The following PPP1R42 variants were observed in gnomAD, a reference collection of about 807,000 sequenced individuals.
The protein encoded by PPP1R42 is leucine rich repeat containing 67.
Under a neutral mutation model 31.0 loss-of-function variants are expected in PPP1R42, and 34 were observed. That is an observed-to-expected ratio of 1.10 (90% CI 0.83 to 1.46). The LOEUF (loss-of-function observed/expected upper bound fraction) is 1.46, where lower values mean the gene tolerates loss of function less well. PPP1R42 is among the 40% of genes most tolerant of loss of function. The pLI is 0.00. For synonymous variants in PPP1R42, 103 were observed against 109.8 expected, an observed-to-expected ratio of 0.94 and a Z score of 0.39; for missense variants, 268 against 303.0, an observed-to-expected ratio of 0.88 and a Z score of 0.86.
chr8:66,981,561 A>G (rs1033725093), intron 7 of PPP1R42, among the ~76,000 whole-genome samples: 2 of 150,824 alleles, frequency 1.3e-5, no homozygotes, highest in Non-Finnish European at 3.0e-5. Flanking sequence ...TTGTATTTTT[A>G]GTAGAGACAG....
At chr8:66,972,607 C>A (rs148291533) in intron 7 of PPP1R42, among the ~76,000 whole-genome samples, 1 of 152,100 alleles carries the variant, frequency 6.6e-6, no homozygotes, top group African/African-American at 2.4e-5. Flanking sequence ...CCAGGCTGGT[C>A]GTGAACTCCT....
Position 66,984,444 on chromosome 8 carries a change from G to A in PPP1R42, c.671-2264C>T, listed in dbSNP as rs1814941430. 8 of 1,285,728 alleles carry A rather than the reference G, an allele frequency of 6.2e-6. No homozygotes were observed. The East Asian group carries it at 7.0e-5, about 11-fold the overall frequency. 79.6% of individuals were successfully genotyped at this position (1,285,728 alleles called of 1,614,324 possible). Reference sequence around the variant, plus strand: ...TGGGGCCCCCTTCCACTACTACCACGTTGACACCCTTGTGCAGTAACACCA... The same window carrying A: ...TGGGGCCCCCTTCCACTACTACCACATTGACACCCTTGTGCAGTAACACCA... On this transcript the variant is annotated intron_variant, in intron 6 of 7. Transcript: ENST00000685739.
At chr8:67,007,318 C>T (rs1363719661) in intron 5 of PPP1R42, among the ~76,000 whole-genome samples, 1 of 152,180 alleles carries the variant, frequency 6.6e-6, no homozygotes, top group African/African-American at 2.4e-5. Context: ...CCTCAGTCAC[C>T]TGTGGTCCAA....
intron 1 of PPP1R42, among the ~76,000 whole-genome samples, chr8:67,024,667 C>T (rs905446906): frequency 4.0e-5 from 6 of 151,566 alleles, no homozygotes; most frequent in East Asian, 3.9e-4. Flanking sequence ...TTAGTAGAGA[C>T]GGGGTTTCAC....
chr8:67,007,259 G>T (rs1023078379), intron 5 of PPP1R42, among the ~76,000 whole-genome samples: 1 of 152,146 alleles, frequency 6.6e-6, no homozygotes, highest in Non-Finnish European at 1.5e-5. Context: ...ACAGTGCCTG[G>T]CACATGTAAT....
intron 2 of PPP1R42, among the ~76,000 whole-genome samples, chr8:67,016,158 T>C: frequency 6.6e-6 from 1 of 152,192 alleles, no homozygotes; most frequent in Non-Finnish European, 1.5e-5. Context: ...GAAAGGGATC[T>C]AGAATGGGAG....
intron 5 of PPP1R42, among the ~76,000 whole-genome samples, chr8:67,002,210 A>AT (rs35498799): frequency 6.4e-4 from 98 of 152,122 alleles, no homozygotes; most frequent in African/African-American, 2.1e-3. Context: ...GTCTATATAT[A>AT]TTTTTTTACA....
chr8:66,997,542 C>CT (rs34949630), intron 5 of PPP1R42, among the ~76,000 whole-genome samples: 4,390 of 127,556 alleles, frequency 0.034, 97 homozygotes, highest in Middle Eastern at 0.1. Context: ...CTGTGCCTGG[C>CT]TTTTTTTTTT....
At chr8:66,984,572 G>A in intron 6 of PPP1R42, 2 of 1,213,844 alleles carry the variant, frequency 1.6e-6, no homozygotes, top group Admixed American at 1.7e-5. Context: ...CTTGGCTGGG[G>A]TGCTCAAATT....
Position 66,983,074 on chromosome 8 carries a change from T to C in PPP1R42, c.671-894A>G, listed in dbSNP as rs1257031915. ...TACAGAGGTGTGATAGAAATTGCGC[T>C]TCATAAATTATACAAATAATTTTTG... On this transcript the variant is annotated intron_variant, in intron 6 of 7. Coordinates refer to ENST00000685739, the MANE Select transcript of PPP1R42 (RefSeq NM_001364910.1). Among the ~76,000 whole-genome samples, 3 of 152,096 alleles carry C rather than the reference T, an allele frequency of 2.0e-5. No homozygotes were observed. In the East Asian group the frequency reaches 5.8e-4, roughly 29 times the overall value.
intron 5 of PPP1R42, among the ~76,000 whole-genome samples, chr8:67,007,329 A>G (rs988595486): frequency 2.6e-5 from 4 of 152,174 alleles, no homozygotes; most frequent in African/African-American, 7.2e-5. Flanking sequence ...TGTGGTCCAA[A>G]AATATTTAAT....
chr8:67,014,479 G>A lies in PPP1R42; in HGVS notation c.243C>T (p.Asn81=). 5 of 1,591,508 alleles carry A rather than the reference G, an allele frequency of 3.1e-6. No homozygotes were observed. Among genetic ancestry groups the A allele is most frequent in the Non-Finnish European group, 4.3e-6 (5 of 1,168,342 alleles). ...GGTTCTCTATACATGAAATACAATT[G>A]TTTTGTAGGTACAAGTGGGTCAGAT... The part of the protein sequence containing the change: ...ATNLTHLYLQ[N]NCISCIENLR... Residue 81 remains asparagine, a synonymous_variant, in exon 3 of 8, where the codon AAC becomes AAT. Coordinates refer to ENST00000685739, the MANE Select transcript of PPP1R42 (RefSeq NM_001364910.1).
At chr8:67,025,387 C>T (rs1226038790) in intron 1 of PPP1R42, among the ~76,000 whole-genome samples, 2 of 152,068 alleles carry the variant, frequency 1.3e-5, no homozygotes, top group Non-Finnish European at 2.9e-5. Flanking sequence ...GCTGGGATTA[C>T]AGGTGTGAGC....
chr8:66,985,127 A>C, intron 6 of PPP1R42: 1 of 1,184,078 alleles, frequency 8.4e-7, no homozygotes. Context: ...AGCCTAGTCA[A>C]AGTATGGATG....
intron 7 of PPP1R42, among the ~76,000 whole-genome samples, chr8:66,975,513 G>A (rs567218295): frequency 1.3e-5 from 2 of 152,154 alleles, no homozygotes; most frequent in South Asian, 4.2e-4. Context: ...AGGTGTGGTG[G>A]CACACGCCTG....
At chr8:66,985,825 C>A in intron 6 of PPP1R42, 2 of 1,235,622 alleles carry the variant, frequency 1.6e-6, no homozygotes, top group Non-Finnish European at 2.3e-6. Flanking sequence ...AGTCAGCATG[C>A]CAGGACTCTG....
intron 7 of PPP1R42, among the ~76,000 whole-genome samples, chr8:66,969,381 T>G (rs1050159602): frequency 2.0e-5 from 3 of 152,228 alleles, no homozygotes; most frequent in Non-Finnish European, 4.4e-5. Flanking sequence ...GAAATTATTG[T>G]GGTGCTATGG....
At position 66,982,049 on chromosome 8, in the gene PPP1R42, T is replaced by G. The variant is rs1291840381; in HGVS notation, c.802A>C (p.Arg268=). The change falls in exon 7 of 8, where the codon AGA becomes CGA. Residue 268 remains arginine, a splice_region_variant and synonymous_variant. Coordinates refer to ENST00000685739, the MANE Select transcript of PPP1R42 (RefSeq NM_001364910.1). ...KNEDASNSLI[R]ISL is the part of the protein sequence containing the mutation. ...ACCTAATGAGTGACAGAGTGCTTAC[T>G]TATGAGTGAATTGCTTGCATCCTCA... The G allele has an allele frequency of 6.3e-6, 9 of 1,438,864 alleles. No individual in the cohort carries two copies. Among genetic ancestry groups the G allele is most frequent in the Non-Finnish European group, 8.1e-6 (9 of 1,105,614 alleles). The allele number at this position is 1,438,864 out of a possible 1,614,324, so 89.1% of individuals were successfully genotyped here. A position where few individuals can be genotyped will look rare whatever the true frequency, so the allele number is the denominator to read the frequency against.
At chr8:66,979,028 C>G (rs747060092) in intron 7 of PPP1R42, among the ~76,000 whole-genome samples, 4 of 152,082 alleles carry the variant, frequency 2.6e-5, no homozygotes, top group Non-Finnish European at 4.4e-5. Context: ...CTTGATTGTT[C>G]CCTTTGCTGT....
Sources: allele counts gnomAD v4.1 joint callset (sites outside exome capture counted in the v4.1 genomes callset), GRCh38; gene constraint gnomAD v4.1.1; transcripts MANE v1.5; gene names NCBI Gene and HGNC (gene_info 2026-07-23, HGNC 2026-07-21).